Variants in ZEB2 observed in about 807,000 individuals in gnomAD.
ZEB2 encodes the protein zinc finger E-box binding homeobox 2.
In ZEB2, 6 loss-of-function variants were observed where a neutral mutation model predicts 99.9. The ratio of observed to expected loss-of-function variants is 0.06; its 90% CI spans 0.03 to 0.12. The LOEUF is 0.12. Among genes scored for constraint, ZEB2 ranks in the 10% least tolerant of loss-of-function variants. The pLI is 1.00. For missense variants in ZEB2, 969 were observed against 1,502.8 expected, an observed-to-expected ratio of 0.64 and a Z score of 5.87; for synonymous variants, 517 against 542.5, an observed-to-expected ratio of 0.95 and a Z score of 0.65.
intron 4 of ZEB2, among the ~76,000 whole-genome samples, chr2:144,423,054 A>G (rs1254753890): frequency 2.0e-5 from 3 of 152,344 alleles, no homozygotes; most frequent in East Asian, 1.9e-4. Context: ...TTGACTGAAT[A>G]CATATGAACT....
intron 2 of ZEB2, among the ~76,000 whole-genome samples, chr2:144,449,991 G>A (rs758391218): frequency 5.3e-5 from 8 of 152,288 alleles, no homozygotes; most frequent in Middle Eastern, 3.4e-3. Flanking sequence ...TTTAGATGGC[G>A]TGTAATAGAC....
intron 4 of ZEB2, 131 bp from the exon 5 acceptor site, chr2:144,405,155 T>C: frequency 1.0e-6 from 1 of 986,932 alleles, no homozygotes. Flanking sequence ...TTGTAAGAAG[T>C]GTTGAAGATG....
intron 2 of ZEB2, chr2:144,497,688 A>G (rs1176031110): frequency 6.0e-6 from 1 of 166,812 alleles, no homozygotes; most frequent in Non-Finnish European, 1.5e-5. Flanking sequence ...CTTTGAAACA[A>G]AAAAGGACTT....
intron 2 of ZEB2, among the ~76,000 whole-genome samples, chr2:144,446,318 C>T (rs1255304769): frequency 6.6e-6 from 1 of 151,870 alleles, no homozygotes; most frequent in Non-Finnish European, 1.5e-5. Context: ...CGTCCTTCCA[C>T]ATCCTTCCTT....
chr2:144,464,206 G>A (rs930135717), intron 2 of ZEB2: 2 of 151,986 alleles, frequency 1.3e-5, no homozygotes, highest in Non-Finnish European at 2.9e-5. Context: ...TTGTCTTGTT[G>A]GTATTCCTTG....
intron 8 of ZEB2, among the ~76,000 whole-genome samples, chr2:144,397,374 T>C (rs1196792454): frequency 6.6e-6 from 1 of 152,216 alleles, no homozygotes; most frequent in Non-Finnish European, 1.5e-5. Context: ...GTACTGTAAA[T>C]TGGAATACTG....
At chr2:144,479,067 C>A (rs561749838) in intron 2 of ZEB2, among the ~76,000 whole-genome samples, 12 of 152,276 alleles carry the variant, frequency 7.9e-5, no homozygotes, top group African/African-American at 1.9e-4. Flanking sequence ...ACAATAAAAT[C>A]AAACGTCATT....
At chr2:144,481,826 C>T (rs1011073471) in intron 2 of ZEB2, among the ~76,000 whole-genome samples, 2 of 152,206 alleles carry the variant, frequency 1.3e-5, no homozygotes, top group Admixed American at 6.5e-5. Context: ...TGGCCTCATT[C>T]TCACATGCCA....
chr2:144,513,695 C>A (rs1459943645), intron 2 of ZEB2: 1 of 1,535,750 alleles, frequency 6.5e-7, no homozygotes, highest in South Asian at 1.2e-5. Flanking sequence ...CTGCCCGAAT[C>A]AGGGGCAAAA....
intron 4 of ZEB2, chr2:144,424,528 A>G (rs534633425): frequency 5.3e-5 from 34 of 635,658 alleles, no homozygotes; most frequent in South Asian, 4.8e-4. Context: ...AAATTCACCC[A>G]ACTCATGCAC....
intron 5 of ZEB2, 120 bp from the exon 6 acceptor site, chr2:144,404,250 T>G: frequency 8.9e-7 from 1 of 1,125,854 alleles, no homozygotes. Context: ...CTCCACAGAG[T>G]GCCATCATTG....
chr2:144,517,174 C>T, intron 2 of ZEB2, 104 bp downstream of exon 2: 1 of 1,423,842 alleles, frequency 7.0e-7, no homozygotes, highest in Non-Finnish European at 9.8e-7. Flanking sequence ...GCCCTGGGCG[C>T]CGCCGCCGCC....
At chr2:144,461,522 GC>G (rs1704194076) in intron 2 of ZEB2, 1 of 152,214 alleles carries the variant, frequency 6.6e-6, no homozygotes, top group Admixed American at 6.6e-5. Flanking sequence ...CAAGGCTGCA[GC>G]CCTAGCTTCT....
At chr2:144,430,800 T>C (rs1703760180) in intron 2 of ZEB2, 1 of 152,686 alleles carries the variant, frequency 6.5e-6, no homozygotes, top group South Asian at 2.1e-4. Context: ...CAGTAGCTTT[T>C]CTTAAAATAG....
intron 2 of ZEB2, among the ~76,000 whole-genome samples, chr2:144,509,601 GTGTT>G (rs1376036023): frequency 6.6e-6 from 1 of 152,052 alleles, no homozygotes; most frequent in African/African-American, 2.4e-5. Context: ...GTTTGTGTGT[GTGTT>G]TGTGTGTGTG....
intron 2 of ZEB2, chr2:144,511,554 G>T: frequency 7.8e-7 from 1 of 1,279,456 alleles, no homozygotes; most frequent in South Asian, 1.3e-5. Flanking sequence ...TTTAAAAACT[G>T]CTTGATGAAG....
At chr2:144,483,832 G>T (rs1704553253) in intron 2 of ZEB2, among the ~76,000 whole-genome samples, 2 of 152,156 alleles carry the variant, frequency 1.3e-5, no homozygotes, top group Admixed American at 1.3e-4. Flanking sequence ...GTCAGCATTT[G>T]TTCTAAATGG....
intron 2 of ZEB2, among the ~76,000 whole-genome samples, chr2:144,509,489 C>T (rs1374950836): frequency 6.6e-6 from 1 of 152,046 alleles, no homozygotes; most frequent in Non-Finnish European, 1.5e-5. Context: ...CTAATATATC[C>T]GTTAGTTTTG....
intron 2 of ZEB2, among the ~76,000 whole-genome samples, chr2:144,443,143 C>T (rs144130098): frequency 6.6e-6 from 1 of 151,876 alleles, no homozygotes; most frequent in African/African-American, 2.4e-5. Flanking sequence ...AAAAATAGAT[C>T]ATTGAAATAA....
Sources: gnomAD v4.1 joint callset for allele counts (sites outside exome capture counted in the v4.1 genomes callset) on GRCh38, gnomAD v4.1.1 for gene constraint, MANE v1.5 for transcripts, NCBI Gene and HGNC (gene_info 2026-07-23, HGNC 2026-07-21) for gene names.